PTPRG: variants seen among roughly 807,000 people sequenced by gnomAD.
PTPRG encodes the protein receptor-type tyrosine-protein phosphatase gamma.
Under a neutral mutation model 165.3 loss-of-function variants are expected in PTPRG, and 102 were observed. The observed-to-expected ratio is 0.62, with a 90% CI of 0.53 to 0.73. The LOEUF (loss-of-function observed/expected upper bound fraction) is 0.73, where lower values mean the gene tolerates loss of function less well. Ranked by LOEUF, PTPRG falls within the 30% of genes least tolerant of loss-of-function variation. The pLI is 0.00. For synonymous variants in PTPRG, 675 were observed against 669.5 expected, an observed-to-expected ratio of 1.01 and a Z score of -0.13; for missense variants, 1,866 against 1,861.4, an observed-to-expected ratio of 1.00 and a Z score of -0.05.
chr3:61,833,863 C>T (rs2036383526), intron 2 of PTPRG, among the ~76,000 whole-genome samples: 2 of 152,180 alleles, frequency 1.3e-5, no homozygotes, highest in South Asian at 4.1e-4. Context: ...CCGCGCCCAG[C>T]CGTGTTGAAG....
intron 2 of PTPRG, among the ~76,000 whole-genome samples, chr3:61,790,172 AT>A (rs2034829066): frequency 6.6e-6 from 1 of 152,050 alleles, no homozygotes; most frequent in African/African-American, 2.4e-5. Context: ...CCCTCTCTCC[AT>A]TTCACACTTG....
chr3:62,275,991 G>T, intron 24 of PTPRG, 25 bp downstream of exon 24: 1 of 1,537,694 alleles, frequency 6.5e-7, no homozygotes. Context: ...CAGTTTGTTA[G>T]TGATCTTTTA....
intron 15 of PTPRG, among the ~76,000 whole-genome samples, chr3:62,247,951 C>T (rs1443354419): frequency 6.6e-6 from 1 of 152,100 alleles, no homozygotes; most frequent in Non-Finnish European, 1.5e-5. Context: ...CTAATTCTAA[C>T]AGGAATTTAG....
chr3:62,195,234 T>G lies in PTPRG; in HGVS notation c.1327+64T>G, dbSNP rs961038759. The G allele has an allele frequency of 2.2e-6, 3 of 1,390,366 alleles. No individual in the cohort carries two copies. Among genetic ancestry groups the G allele is most frequent in the East Asian group, 4.6e-5 (2 of 43,844 alleles). 86.1% of individuals were successfully genotyped at this position (1,390,366 alleles called of 1,614,324 possible). A position where few individuals can be genotyped will look rare whatever the true frequency, so the allele number is the denominator to read the frequency against. On this transcript the variant is annotated intron_variant, in intron 10 of 29. Coordinates refer to ENST00000474889, the MANE Select transcript of PTPRG (RefSeq NM_002841.4). This position sits in a 1 kb window ranked among gnomAD's most constrained non-coding sequence, Gnocchi z 4.4. The stretch of plus-strand genomic sequence containing the variant: ...GAGACTCCCTCCCAATGCTTTCTGC[T>G]TCTTCCTGCTCAGGTGCTGGGGAAA...
chr3:61,825,662 T>G (rs1362425152), intron 2 of PTPRG, among the ~76,000 whole-genome samples: 1 of 151,686 alleles, frequency 6.6e-6, no homozygotes, highest in African/African-American at 2.4e-5. Context: ...TTTTTTTTTT[T>G]GAGACAGGTT....
chr3:61,961,271 T>A (rs918503450), intron 2 of PTPRG, among the ~76,000 whole-genome samples: 3 of 152,144 alleles, frequency 2.0e-5, no homozygotes, highest in African/African-American at 7.2e-5. Context: ...TTATTATTCA[T>A]TGGTTTGAGT....
At chr3:61,723,229 CAG>C (rs1369191169) in intron 1 of PTPRG, among the ~76,000 whole-genome samples, 4 of 151,950 alleles carry the variant, frequency 2.6e-5, no homozygotes, top group Non-Finnish European at 1.5e-5. Context: ...GGATGATTGA[CAG>C]GAAGTTACAG....
chr3:62,151,857 C>G (rs956494786), intron 6 of PTPRG, among the ~76,000 whole-genome samples: 8 of 152,078 alleles, frequency 5.3e-5, no homozygotes, highest in African/African-American at 1.9e-4. Context: ...GTGTCAAGCG[C>G]TCTCCTAAGC....
intron 2 of PTPRG, among the ~76,000 whole-genome samples, chr3:61,882,984 A>C (rs895580200): frequency 6.6e-6 from 1 of 152,022 alleles, no homozygotes; most frequent in Non-Finnish European, 1.5e-5. Context: ...TCTTCTCCTT[A>C]GCAGACAGAG....
chr3:61,753,045 A>C (rs776070095), intron 2 of PTPRG, among the ~76,000 whole-genome samples: 2 of 152,146 alleles, frequency 1.3e-5, no homozygotes, highest in Non-Finnish European at 2.9e-5. Context: ...ATAGAGAACT[A>C]TTTATTGAGG....
At chr3:61,699,660 G>A (rs2030838951) in intron 1 of PTPRG, among the ~76,000 whole-genome samples, 1 of 152,128 alleles carries the variant, frequency 6.6e-6, no homozygotes, top group Admixed American at 6.6e-5. Context: ...AAGCAGGTTT[G>A]CTTTATTTTC....
chr3:61,674,092 G>A (rs913490696), intron 1 of PTPRG, among the ~76,000 whole-genome samples: 4 of 151,798 alleles, frequency 2.6e-5, no homozygotes, highest in African/African-American at 9.7e-5. Flanking sequence ...ATGACGGGTT[G>A]ATGGGTGCAG....
rs754946368 is a variant in PTPRG at position 61,730,285 on chromosome 3, T to C, written c.86-18593T>C. Among the ~76,000 whole-genome samples the C allele has an allele frequency of 2.6e-5, 4 of 152,236 alleles. No homozygotes were observed. The East Asian group carries it at 5.8e-4, about 22-fold the overall frequency. Reference sequence around the variant, plus strand: ...CTGTCATTAGCCATGCAGACCTTTATGGCTCAAACCAGGCCACATCTGTTG... The same window carrying C: ...CTGTCATTAGCCATGCAGACCTTTACGGCTCAAACCAGGCCACATCTGTTG... On this transcript the variant is annotated intron_variant, in intron 1 of 29. Coordinates refer to ENST00000474889, the MANE Select transcript of PTPRG (RefSeq NM_002841.4).
intron 3 of PTPRG, among the ~76,000 whole-genome samples, chr3:62,003,068 A>T (rs946992949): frequency 2.0e-5 from 3 of 150,604 alleles, no homozygotes; most frequent in African/African-American, 7.4e-5. Flanking sequence ...TTTTTCTGTC[A>T]TTGTTTCCAT....
intron 4 of PTPRG, among the ~76,000 whole-genome samples, chr3:62,018,981 TAGA>T (rs1399854595): frequency 2.0e-5 from 3 of 152,160 alleles, no homozygotes; most frequent in Non-Finnish European, 4.4e-5. Flanking sequence ...GGGATCCTCT[TAGA>T]AGAAGGAATC....
chr3:61,844,038 A>C (rs2036732272), intron 2 of PTPRG, among the ~76,000 whole-genome samples: 1 of 147,136 alleles, frequency 6.8e-6, no homozygotes, highest in Admixed American at 7.0e-5. Flanking sequence ...ATCTCGTCTC[A>C]CTGCAAATTC....
chr3:62,033,192 C>A (rs1355570602), intron 4 of PTPRG, among the ~76,000 whole-genome samples: 2 of 152,052 alleles, frequency 1.3e-5, no homozygotes, highest in African/African-American at 4.8e-5. Context: ...CTCTTCCCAC[C>A]TCAGGACCTA....
At chr3:61,598,796 C>T (rs759039595) in intron 1 of PTPRG, among the ~76,000 whole-genome samples, 4 of 152,062 alleles carry the variant, frequency 2.6e-5, no homozygotes, top group Admixed American at 6.5e-5. Flanking sequence ...GAATCTGTTC[C>T]GTGCCCTCCC....
At chr3:61,677,533 T>G (rs568724089) in intron 1 of PTPRG, among the ~76,000 whole-genome samples, 2 of 152,332 alleles carry the variant, frequency 1.3e-5, no homozygotes, top group South Asian at 4.1e-4. Context: ...GTGATGAATT[T>G]TTGGTAGATG....
Sources: allele counts gnomAD v4.1 joint callset (sites outside exome capture counted in the v4.1 genomes callset), GRCh38; gene constraint gnomAD v4.1.1; non-coding constraint Gnocchi (gnomAD v3.1); transcripts MANE v1.5; gene names NCBI Gene and HGNC (gene_info 2026-07-23, HGNC 2026-07-21).